Variants in HACD1 observed in about 807,000 individuals in gnomAD.
HACD1 encodes very-long-chain (3R)-3-hydroxyacyl-CoA dehydratase 1.
Under a neutral mutation model 32.0 loss-of-function variants are expected in HACD1, and 41 were observed. The ratio of observed to expected loss-of-function variants is 1.28; its 90% CI spans 1.00 to 1.66. The LOEUF is 1.66. HACD1 is among the 40% of genes most tolerant of loss of function. The pLI is 0.00. For missense variants in HACD1, 396 were observed against 380.1 expected (o/e 1.04, Z -0.35); for synonymous variants, 142 against 139.0 (o/e 1.02, Z -0.15).
intron 4 of HACD1, among the ~76,000 whole-genome samples, chr10:17,600,517 G>T (rs1588987289): frequency 6.6e-6 from 1 of 151,956 alleles, no homozygotes; most frequent in African/African-American, 2.4e-5. Flanking sequence ...GTAGAGACGG[G>T]GTTTCACCGT....
chr10:17,616,070 C>T (rs549183861), intron 1 of HACD1: 46 of 168,064 alleles, frequency 2.7e-4, no homozygotes, highest in Non-Finnish European at 5.0e-4. Flanking sequence ...AGATGGAGAC[C>T]ATCCTGGCTA....
intron 1 of HACD1, among the ~76,000 whole-genome samples, chr10:17,607,325 T>C (rs1473872158): frequency 6.6e-6 from 1 of 152,118 alleles, no homozygotes; most frequent in Non-Finnish European, 1.5e-5. Context: ...AACTGATGGA[T>C]CCATCTCATG....
At chr10:17,615,679 A>G (rs1035132038) in intron 1 of HACD1, 23 of 200,188 alleles carry the variant, frequency 1.1e-4, no homozygotes, top group South Asian at 1.1e-4. Flanking sequence ...TTAAAATAAA[A>G]TATTAGGCCC....
At chr10:17,613,293 A>G (rs1252211059) in intron 1 of HACD1, among the ~76,000 whole-genome samples, 1 of 152,104 alleles carries the variant, frequency 6.6e-6, no homozygotes, top group East Asian at 1.9e-4. Context: ...ATTATTACAA[A>G]AAAATTAATA....
At position 17,590,328 on chromosome 10, in the gene HACD1, T is replaced by A. The variant is rs782790178; in HGVS notation, c.*36A>T. ...AAAACTTGGACTCAGGTAATCTTGG[T>A]TATTCTGGAAAAAGCACCTTGTTTG... On this transcript the variant is annotated 3_prime_UTR_variant, in exon 7 of 7. Transcript: ENST00000361271. 2 of 1,440,542 alleles carry A rather than the reference T, an allele frequency of 1.4e-6. No individual in the cohort carries two copies. Among genetic ancestry groups the A allele is most frequent in the Non-Finnish European group, 1.9e-6 (2 of 1,050,672 alleles). 89.2% of individuals were successfully genotyped at this position (1,440,542 alleles called of 1,614,324 possible). A position where few individuals can be genotyped will look rare whatever the true frequency, so the allele number is the denominator to read the frequency against.
Position 17,617,315 on chromosome 10 carries a change from C to G in HACD1, c.25G>C (p.Ala9Pro). 2.1e-6 allele frequency: 3 copies of G among 1,438,572 alleles called. No homozygotes were observed. Among genetic ancestry groups the G allele is most frequent in the Non-Finnish European group, 2.7e-6 (3 of 1,101,996 alleles). 89.1% of individuals were successfully genotyped at this position (1,438,572 alleles called of 1,614,324 possible). A position where few individuals can be genotyped will look rare whatever the true frequency, so the allele number is the denominator to read the frequency against. ...GCAGCCCGAGAGCCGCTGCCCGCTG[C>G]CGCCGCTTCCGTCAGGCGCCCCATG... is the stretch of plus-strand genomic sequence containing the variant. MGRLTEAA[A>P]AGSGSRAAGW... is the part of the protein sequence containing the mutation. Residue 9 changes from alanine to proline, a missense_variant, in exon 1 of 7, where the codon GCA (alanine) becomes CCA (proline). Coordinates refer to ENST00000361271, the MANE Select transcript of HACD1 (RefSeq NM_014241.4).
At chr10:17,608,815 C>A (rs1327487307) in intron 1 of HACD1, among the ~76,000 whole-genome samples, 1 of 152,142 alleles carries the variant, frequency 6.6e-6, no homozygotes, top group Admixed American at 6.6e-5. Context: ...TCATTGACAC[C>A]TCTAAACTGC....
intron 6 of HACD1, among the ~76,000 whole-genome samples, chr10:17,591,202 C>T (rs1833923565): frequency 1.3e-5 from 2 of 151,944 alleles, no homozygotes; most frequent in Middle Eastern, 6.8e-3. Context: ...CGGGTGCATA[C>T]ATCTAAGCTT....
At chr10:17,613,308 C>T (rs1020018967) in intron 1 of HACD1, among the ~76,000 whole-genome samples, 4 of 152,032 alleles carry the variant, frequency 2.6e-5, no homozygotes, top group Non-Finnish European at 4.4e-5. Flanking sequence ...TTAATAAACA[C>T]GCCAAAGTTC....
At chr10:17,604,096 G>T in intron 1 of HACD1, 49 bp from the exon 2 acceptor site, 2 of 1,267,318 alleles carry the variant, frequency 1.6e-6, no homozygotes, top group South Asian at 1.4e-5. Context: ...TAATACCACT[G>T]ATTTATACAT....
At chr10:17,599,887 T>C (rs1834045154) in intron 4 of HACD1, among the ~76,000 whole-genome samples, 1 of 152,228 alleles carries the variant, frequency 6.6e-6, no homozygotes, top group Admixed American at 6.5e-5. Context: ...TCCTCATGAA[T>C]GCAAGTTGTC....
intron 4 of HACD1, among the ~76,000 whole-genome samples, chr10:17,602,317 C>G (rs1249952463): frequency 1.1e-4 from 16 of 151,990 alleles, no homozygotes; most frequent in African/African-American, 3.6e-4. Context: ...GTGGTTCACC[C>G]ACCTTGGCCT....
Position 17,603,569 on chromosome 10 carries a change from A to C in HACD1, c.474T>G (p.Ser158Arg). 1 of 1,609,084 alleles carries C rather than the reference A, an allele frequency of 6.2e-7. No homozygotes were observed. The highest frequency in any genetic ancestry group is 8.5e-7 in the Non-Finnish European group (1 of 1,175,620). ...TGTTTGTGTCACTTACTGGTTTTAT[A>C]CTGTGAGTAATGAGCCACACCATAA... The part of the protein sequence containing the change: ...RIFMVWLITH[S>R]IKPIQNEESV... Residue 158 changes from serine (S) to arginine (R), a missense_variant, in exon 4 of 7, where the codon AGT (serine) becomes AGG (arginine). Physicochemically the swap from Ser to Arg is moderately radical, Grantham distance 110. Transcript: ENST00000361271.
intron 5 of HACD1, among the ~76,000 whole-genome samples, chr10:17,594,975 C>T (rs1833977551): frequency 6.6e-6 from 1 of 152,040 alleles, no homozygotes; most frequent in South Asian, 2.1e-4. Flanking sequence ...TCTCCTGCCT[C>T]AGCCTCCTGG....
chr10:17,610,892 G>A (rs1834224303), intron 1 of HACD1, among the ~76,000 whole-genome samples: 2 of 151,880 alleles, frequency 1.3e-5, no homozygotes, highest in South Asian at 4.1e-4. Flanking sequence ...TTTGTGTATT[G>A]TGTACAGACT....
At chr10:17,602,148 C>G (rs549864685) in intron 4 of HACD1, among the ~76,000 whole-genome samples, 1 of 151,408 alleles carries the variant, frequency 6.6e-6, no homozygotes, top group Non-Finnish European at 1.5e-5. Flanking sequence ...CAGCTCACTG[C>G]ACCCTCCACC....
At chr10:17,607,154 A>G (rs1345462033) in intron 1 of HACD1, among the ~76,000 whole-genome samples, 1 of 152,232 alleles carries the variant, frequency 6.6e-6, no homozygotes, top group African/African-American at 2.4e-5. Context: ...AAAAGTTTGA[A>G]GGCCACTCTT....
chr10:17,603,343 A>C (rs181677458), intron 4 of HACD1: 1 of 472,934 alleles, frequency 2.1e-6, no homozygotes, highest in East Asian at 3.5e-5. Flanking sequence ...AAAGGAGAAT[A>C]TATTACGGAT....
At chr10:17,593,074 C>T (rs1177984368) in intron 6 of HACD1, among the ~76,000 whole-genome samples, 1 of 151,824 alleles carries the variant, frequency 6.6e-6, no homozygotes, top group African/African-American at 2.4e-5. Flanking sequence ...CTGTGGCAGG[C>T]GCTTGTAATC....
Sources: allele counts gnomAD v4.1 joint callset (sites outside exome capture counted in the v4.1 genomes callset), GRCh38; gene constraint gnomAD v4.1.1; transcripts MANE v1.5; gene names NCBI Gene and HGNC (gene_info 2026-07-23, HGNC 2026-07-21).